USH2A: variants seen among roughly 807,000 people sequenced by gnomAD.
USH2A encodes the protein usherin.
A neutral mutation model predicts 538.9 loss-of-function variants in USH2A; 443 were observed. That is an observed-to-expected ratio of 0.82 (90% confidence interval 0.76 to 0.89). The LOEUF (loss-of-function observed/expected upper bound fraction) is 0.89. Ranked by LOEUF, USH2A falls within the 40% of genes least tolerant of loss-of-function variation. The pLI is 0.00. For synonymous variants in USH2A, 2,413 were observed against 2,273.5 expected (o/e 1.06, Z -1.75); for missense variants, 6,633 against 6,324.8 (o/e 1.05, Z -1.65).
chr1:216,409,895 AG>A (rs2039456675), intron 3 of USH2A, among the ~76,000 whole-genome samples: 2 of 152,194 alleles, frequency 1.3e-5, no homozygotes, highest in Admixed American at 1.3e-4. Flanking sequence ...GCTTCTGCAC[AG>A]CAAAACGAAC....
chr1:215,625,336 C>A lies in USH2A; in HGVS notation c.*445G>T. ...GTGATCATTAGAATAACTATTCTTG[C>A]AGGATTGTGTCAACCCTGACAGAAA... On this transcript the variant is annotated 3_prime_UTR_variant, in exon 72 of 72. Coordinates refer to ENST00000307340, the MANE Select transcript of USH2A (RefSeq NM_206933.4). 1 of 218,994 alleles carries A rather than the reference C, an allele frequency of 4.6e-6. No homozygotes were observed. The highest frequency in any genetic ancestry group is 7.1e-5 in the South Asian group (1 of 14,020). 13.6% of individuals were successfully genotyped at this position (218,994 alleles called of 1,614,324 possible). A position where few individuals can be genotyped will look rare whatever the true frequency, so the allele number is the denominator to read the frequency against.
intron 21 of USH2A, among the ~76,000 whole-genome samples, chr1:216,172,469 A>T (rs1439597635): frequency 2.0e-5 from 3 of 152,126 alleles, no homozygotes; most frequent in African/African-American, 7.2e-5. Context: ...AGTTTATCTT[A>T]AAGTTATTAA....
At chr1:216,208,972 C>A (rs1347156013) in intron 15 of USH2A, among the ~76,000 whole-genome samples, 2 of 152,136 alleles carry the variant, frequency 1.3e-5, no homozygotes, top group African/African-American at 4.8e-5. Flanking sequence ...AAATTTAAGA[C>A]CCCCACAAGG....
intron 21 of USH2A, among the ~76,000 whole-genome samples, chr1:216,124,223 T>C (rs1297558013): frequency 6.6e-6 from 1 of 150,690 alleles, no homozygotes; most frequent in Non-Finnish European, 1.5e-5. Context: ...AAAATACAAA[T>C]ACATCAAAAT....
intron 15 of USH2A, among the ~76,000 whole-genome samples, chr1:216,210,162 CTT>C (rs545657467): frequency 2.7e-5 from 4 of 148,154 alleles, no homozygotes; most frequent in African/African-American, 5.0e-5. Context: ...AATCATACTC[CTT>C]TTTTTTTTTA....
chr1:215,859,521 G>A (rs949803010), intron 44 of USH2A, among the ~76,000 whole-genome samples: 1 of 152,070 alleles, frequency 6.6e-6, no homozygotes, highest in Admixed American at 6.6e-5. Flanking sequence ...GTGACAGAAT[G>A]AGACTCCATC....
chr1:215,690,516 G>A (rs1205445055), intron 61 of USH2A, among the ~76,000 whole-genome samples: 1 of 152,128 alleles, frequency 6.6e-6, no homozygotes, highest in Non-Finnish European at 1.5e-5. Context: ...GAGCCCAGAA[G>A]CTTGAGTGTA....
At chr1:216,152,265 C>T (rs892714858) in intron 21 of USH2A, among the ~76,000 whole-genome samples, 4 of 152,194 alleles carry the variant, frequency 2.6e-5, no homozygotes, top group Middle Eastern at 3.2e-3. Context: ...CACGTATACG[C>T]CCAGATGGCC....
chr1:215,854,660 C>T (rs995332415), intron 44 of USH2A, among the ~76,000 whole-genome samples: 7 of 152,150 alleles, frequency 4.6e-5, no homozygotes, highest in African/African-American at 1.4e-4. Flanking sequence ...GCAAAGTGCA[C>T]GGAGCTTTAT....
intron 34 of USH2A, 55 bp downstream of exon 34, chr1:215,998,832 A>G (rs1179802227): frequency 1.3e-5 from 20 of 1,573,864 alleles, no homozygotes; most frequent in Non-Finnish European, 1.7e-5. Flanking sequence ...GACCACGGGA[A>G]GGGGAGAAGA....
intron 10 of USH2A, among the ~76,000 whole-genome samples, chr1:216,291,536 T>C (rs1172181421): frequency 2.0e-5 from 3 of 152,196 alleles, no homozygotes; most frequent in African/African-American, 7.2e-5. Flanking sequence ...AATCAGCCGA[T>C]AAATGGATTC....
intron 55 of USH2A, among the ~76,000 whole-genome samples, chr1:215,779,357 A>G (rs1039771551): frequency 6.6e-6 from 1 of 152,184 alleles, no homozygotes; most frequent in Admixed American, 6.5e-5. Context: ...AAATTAAAAA[A>G]ACACAATTGC....
At chr1:216,033,210 A>C (rs1669169861) in intron 32 of USH2A, among the ~76,000 whole-genome samples, 1 of 152,224 alleles carries the variant, frequency 6.6e-6, no homozygotes, top group Non-Finnish European at 1.5e-5. Flanking sequence ...TCTGTGGACC[A>C]AACTTTGTAT....
At chr1:215,989,031 G>C (rs996618886) in intron 35 of USH2A, among the ~76,000 whole-genome samples, 1 of 152,156 alleles carries the variant, frequency 6.6e-6, no homozygotes, top group Non-Finnish European at 1.5e-5. Flanking sequence ...GCTGGCCAAA[G>C]GCTACCAATT....
At chr1:216,000,192 T>C (rs192749242) in intron 33 of USH2A, among the ~76,000 whole-genome samples, 19 of 152,286 alleles carry the variant, frequency 1.2e-4, no homozygotes, top group Admixed American at 9.2e-4. Flanking sequence ...ATGGAATCTG[T>C]GTACCTATGT....
chr1:215,782,709 T>C (rs1170760338), intron 53 of USH2A, 29 bp downstream of exon 53: 2 of 1,606,572 alleles, frequency 1.2e-6, no homozygotes, highest in East Asian at 2.2e-5. Flanking sequence ...TGGGATTTTG[T>C]TATTTGTATT....
chr1:215,959,736 G>A (rs1256726110), intron 37 of USH2A, among the ~76,000 whole-genome samples: 1 of 152,036 alleles, frequency 6.6e-6, no homozygotes, highest in Non-Finnish European at 1.5e-5. Context: ...TAGGGGATTA[G>A]GAGAAAGAGA....
intron 3 of USH2A, among the ~76,000 whole-genome samples, chr1:216,370,498 G>A (rs918842889): frequency 6.6e-6 from 1 of 151,516 alleles, no homozygotes; most frequent in African/African-American, 2.4e-5. Flanking sequence ...TGGCCAAGAT[G>A]GTGAAACCCT....
intron 61 of USH2A, among the ~76,000 whole-genome samples, chr1:215,702,493 TA>T (rs1659061985): frequency 6.6e-6 from 1 of 152,256 alleles, no homozygotes; most frequent in African/African-American, 2.4e-5. Context: ...CATAGCCCCA[TA>T]TTTCTTGGAG....
Sources: allele counts gnomAD v4.1 joint callset (sites outside exome capture counted in the v4.1 genomes callset), GRCh38; gene constraint gnomAD v4.1.1; transcripts MANE v1.5; gene names NCBI Gene and HGNC (gene_info 2026-07-23, HGNC 2026-07-21).